UGT3A1: variants seen among roughly 807,000 people sequenced by gnomAD.
UGT3A1 encodes the protein UDP glycosyltransferase family 3 member A1, also known as UDP-glycosyltransferase 3A1.
UGT3A1 carries 40 observed loss-of-function variants against 37.6 expected under a neutral mutation model. That is an observed-to-expected ratio of 1.06 (90% confidence interval 0.83 to 1.38). The LOEUF (loss-of-function observed/expected upper bound fraction) is 1.38, where lower values mean the gene tolerates loss of function less well. UGT3A1 is among the 40% of genes most tolerant of loss of function. The probability of loss-of-function intolerance (pLI) is 0.00; values close to 1 mark genes in which losing one functional copy is unlikely to be tolerated. For missense variants in UGT3A1, 642 were observed against 634.2 expected (o/e 1.01, Z -0.13); for synonymous variants, 256 against 232.3 (o/e 1.10, Z -0.93).
rs901375755 is a variant in UGT3A1, at chr5:35,991,209, G to C, written c.32C>G (p.Ala11Gly). The change falls in exon 1 of 7, where the codon GCC becomes GGC. Residue 11 changes from alanine (A) to glycine (G), a missense_variant. Coordinates refer to ENST00000274278, the MANE Select transcript of UGT3A1 (RefSeq NM_152404.4). ...GAGCAGGACCCCAGAAAGAAGGAAG[G>C]CCACTAGAAGCAGCACCCGCTGCCC... is the stretch of plus-strand genomic sequence containing the variant. The part of the protein sequence containing the change: MVGQRVLLLV[A>G]FLLSGVLLSE... 6.2e-7 allele frequency: 1 copy of C among 1,614,116 alleles called. No homozygotes were observed. The highest frequency in any genetic ancestry group is 1.3e-5 in the African/African-American group (1 of 74,950).
chr5:35,967,128 AG>A (rs1342862826), intron 3 of UGT3A1, among the ~76,000 whole-genome samples: 1 of 152,230 alleles, frequency 6.6e-6, no homozygotes, highest in Non-Finnish European at 1.5e-5. Context: ...CTGTCTTCAA[AG>A]AAATCAAGCT....
At chr5:35,985,864 C>T (rs1287189339) in intron 2 of UGT3A1, among the ~76,000 whole-genome samples, 2 of 152,078 alleles carry the variant, frequency 1.3e-5, no homozygotes, top group Non-Finnish European at 2.9e-5. Context: ...AATGGGATTA[C>T]ATCAAGCCAA....
At position 35,974,148 on chromosome 5, in the gene UGT3A1, G is replaced by C. The variant is rs147044715; in HGVS notation, c.197-6015C>G. Among the ~76,000 whole-genome samples, 311 of 152,254 alleles carry C rather than the reference G, an allele frequency of 2.0e-3. 3 individuals are homozygous for C. In the Middle Eastern group the frequency reaches 0.024, roughly 12 times the overall value. ...AATATATACTGTTAATCTTTCTCCA[G>C]CTTTCTCCAAAGGAACCTACAGCTT... is the stretch of plus-strand genomic sequence containing the variant. On this transcript the variant is annotated intron_variant, in intron 2 of 6. Transcript: ENST00000274278.
intron 4 of UGT3A1, chr5:35,962,232 T>A (rs1395413953): frequency 1.3e-5 from 2 of 152,204 alleles, no homozygotes; most frequent in Non-Finnish European, 2.9e-5. Flanking sequence ...AATACCTGGG[T>A]TAAATTCTGG....
chr5:35,953,350 G>A lies in UGT3A1; in HGVS notation c.*852C>T, dbSNP rs1739234863. The A allele has an allele frequency of 6.6e-6, 1 of 152,350 alleles. No individual in the cohort carries two copies. The highest frequency in any genetic ancestry group is 6.5e-5 in the Admixed American group (1 of 15,272). 9.4% of individuals were successfully genotyped at this position (152,350 alleles called of 1,614,324 possible). ...AAACAAATGAACAAAAACTCTGGGG[G>A]TGTTTACGCCATGGTTTTTCTTGCT... On this transcript the variant is annotated 3_prime_UTR_variant, in exon 7 of 7. Transcript: ENST00000274278.
chr5:35,998,731 T>C (rs988008155), intron 1 of UGT3A1, among the ~76,000 whole-genome samples: 17 of 152,198 alleles, frequency 1.1e-4, no homozygotes, highest in Non-Finnish European at 2.9e-5. Context: ...TGCTGTGGTT[T>C]CCTTATGGAG....
At chr5:35,984,504 G>T (rs1180162492) in intron 2 of UGT3A1, among the ~76,000 whole-genome samples, 7 of 123,078 alleles carry the variant, frequency 5.7e-5, no homozygotes, top group Admixed American at 9.5e-5. Flanking sequence ...ACAGAATCTT[G>T]CTCTATCACC....
At chr5:35,998,097 A>C (rs1741137823) in intron 1 of UGT3A1, among the ~76,000 whole-genome samples, 1 of 152,190 alleles carries the variant, frequency 6.6e-6, no homozygotes, top group Non-Finnish European at 1.5e-5. Flanking sequence ...AAAAATGAAC[A>C]ACCTGATCCC....
chr5:35,999,307 C>T (rs1358396584), intron 1 of UGT3A1, among the ~76,000 whole-genome samples: 3 of 151,436 alleles, frequency 2.0e-5, no homozygotes, highest in South Asian at 2.1e-4. Context: ...AAACGTTTGG[C>T]AATTATAAAA....
At chr5:35,968,876 T>G (rs955177911) in intron 2 of UGT3A1, among the ~76,000 whole-genome samples, 2 of 152,150 alleles carry the variant, frequency 1.3e-5, no homozygotes, top group African/African-American at 2.4e-5. Context: ...CAAGTTTCAA[T>G]CAGAAGTTTC....
At position 35,951,426 on chromosome 5, in the gene UGT3A1, A is replaced by G. The variant is rs955970520; in HGVS notation, c.*2776T>C. The G allele has an allele frequency of 5.3e-5, 8 of 152,124 alleles. No individual in the cohort carries two copies. Among genetic ancestry groups the G allele is most frequent in the African/African-American group, 1.9e-4 (8 of 41,440 alleles). 9.4% of individuals were successfully genotyped at this position (152,124 alleles called of 1,614,324 possible). Reference sequence around the variant, plus strand: ...TCTTATAAAAAAAAGGATACATCCTATAGTTACTCTTACTCTTTGCTATTT... The same window carrying G: ...TCTTATAAAAAAAAGGATACATCCTGTAGTTACTCTTACTCTTTGCTATTT... On this transcript the variant is annotated 3_prime_UTR_variant, in exon 7 of 7. Transcript: ENST00000274278.
In UGT3A1 at chr5:35,954,417, G is replaced by A. The variant is rs1312995304; in HGVS notation, c.1357C>T (p.Gln453Ter). ...ILHSQPLSPA[Q>*]RLVGWIDHIL... Reference sequence around the variant, plus strand: ...TGGTCGATCCAGCCCACCAGCCGCTGTGCGGGGCTCAGGGGCTGAGAGTGC... The same window carrying A: ...TGGTCGATCCAGCCCACCAGCCGCTATGCGGGGCTCAGGGGCTGAGAGTGC... The change falls in exon 7 of 7, where the codon CAG becomes TAG. Residue 453 changes from glutamine (Q) to a stop codon, truncating the protein, a stop_gained. Transcript: ENST00000274278. LOFTEE classifies it low-confidence loss of function (END_TRUNC). The A allele has an allele frequency of 6.2e-7, 1 of 1,614,244 alleles. No individual in the cohort carries two copies. The highest frequency in any genetic ancestry group is 1.7e-5 in the Admixed American group (1 of 60,038).
chr5:35,986,297 T>G (rs1022699252), intron 2 of UGT3A1, among the ~76,000 whole-genome samples: 1 of 152,098 alleles, frequency 6.6e-6, no homozygotes, highest in Non-Finnish European at 1.5e-5. Context: ...AACTACCATA[T>G]GATGCAGCAA....
chr5:35,988,520 C>A lies in UGT3A1; in HGVS notation c.126G>T (p.Val42=). ...GACCATGCTCTTGAAGAATCTGAGA[C>A]ACCCGGTCCAACAGTAGGTAATGGC... ...GGSHYLLLDR[V]SQILQEHGHN... is the part of the protein sequence containing the mutation. Residue 42 remains valine (V), a synonymous_variant, in exon 2 of 7, where the codon GTG becomes GTT. Transcript: ENST00000274278. 6.2e-7 allele frequency: 1 copy of A among 1,613,286 alleles called. No individual in the cohort carries two copies. The highest frequency in any genetic ancestry group is 8.5e-7 in the Non-Finnish European group (1 of 1,179,640).
chr5:35,983,593 GA>G (rs202164281), intron 2 of UGT3A1, among the ~76,000 whole-genome samples: 44 of 149,826 alleles, frequency 2.9e-4, no homozygotes, highest in African/African-American at 1.0e-3. Flanking sequence ...GGCATAATAA[GA>G]AAAAAAAACA....
chr5:35,963,543 AT>A (rs372199550), intron 4 of UGT3A1, among the ~76,000 whole-genome samples: 199 of 152,342 alleles, frequency 1.3e-3, no homozygotes, highest in African/African-American at 4.7e-3. Context: ...AAGGAAAAAA[AT>A]AAAAGAAAGA....
chr5:35,976,612 G>A (rs1740280835), intron 2 of UGT3A1, among the ~76,000 whole-genome samples: 1 of 152,104 alleles, frequency 6.6e-6, no homozygotes, highest in Non-Finnish European at 1.5e-5. Flanking sequence ...GGCCAAGGTG[G>A]GAGGATCACC....
intron 4 of UGT3A1, chr5:35,961,800 A>G (rs1398506107): frequency 6.6e-6 from 1 of 152,196 alleles, no homozygotes; most frequent in Non-Finnish European, 1.5e-5. Flanking sequence ...TCTGAGTAAT[A>G]AATTTATTCT....
chr5:35,989,617 G>T (rs1040242759), intron 1 of UGT3A1, among the ~76,000 whole-genome samples: 15 of 152,122 alleles, frequency 9.9e-5, no homozygotes, highest in African/African-American at 3.1e-4. Flanking sequence ...AGGAAGAAGG[G>T]GTCCTCACAG....
Sources: allele counts gnomAD v4.1 joint callset (sites outside exome capture counted in the v4.1 genomes callset), GRCh38; gene constraint gnomAD v4.1.1; transcripts MANE v1.5; gene names NCBI Gene and HGNC (gene_info 2026-07-23, HGNC 2026-07-21).